The following ABCG1 variants were observed in gnomAD, a reference collection of about 807,000 sequenced individuals.
The protein encoded by ABCG1 is ATP binding cassette subfamily G member 1.
In ABCG1, 29 loss-of-function variants were observed where a neutral mutation model predicts 69.2. The observed-to-expected ratio is 0.42, with a 90% confidence interval of 0.31 to 0.57. The LOEUF (loss-of-function observed/expected upper bound fraction) is 0.57, where lower values mean the gene tolerates loss of function less well. Ranked by LOEUF, ABCG1 falls within the 20% of genes least tolerant of loss-of-function variation. The pLI, the probability that ABCG1 is intolerant of heterozygous loss-of-function variation, is 0.15. For missense variants in ABCG1, 718 were observed against 898.1 expected (o/e 0.80, Z 2.56); for synonymous variants, 370 against 374.8 (o/e 0.99, Z 0.15).
At position 42,200,931 on chromosome 21, in the gene ABCG1, T is replaced by G. The variant is rs1160513760; in HGVS notation, c.-99-646T>G. 2.0e-5 allele frequency among the ~76,000 whole-genome samples: 3 copies of G among 152,222 alleles called. No individual in the cohort carries two copies. The East Asian group carries it at 5.8e-4, about 29-fold the overall frequency. On this transcript the variant is annotated intron_variant, in intron 1 of 15. Transcript: ENST00000398457. Reference sequence around the variant, plus strand: ...TTTGTTTTATTCTTATTTTATTGTTTTTCATTTTTCTTACGTCCCGAGGTA... The same window carrying G: ...TTTGTTTTATTCTTATTTTATTGTTGTTCATTTTTCTTACGTCCCGAGGTA...
chr21:42,295,562 A>T (rs552560419), intron 14 of ABCG1, among the ~76,000 whole-genome samples: 3 of 152,328 alleles, frequency 2.0e-5, no homozygotes, highest in African/African-American at 7.2e-5. Context: ...CAGAAGTTCC[A>T]TGTGACACTA....
rs2067769007 is a variant in ABCG1 at position 42,223,788 on chromosome 21, G to C, written c.43-1883G>C. ...GCAGATAGTGAGTCTAGCAGAGAAA[G>C]TCAGGGTCTCATGATAATGTAGATG... On this transcript the variant is annotated intron_variant, in intron 1 of 14. Coordinates refer to ENST00000398449, the MANE Select transcript of ABCG1 (RefSeq NM_016818.3). Among the ~76,000 whole-genome samples, 3 of 152,222 alleles carry C rather than the reference G, an allele frequency of 2.0e-5. No homozygotes were observed. In the South Asian group the frequency reaches 6.2e-4, roughly 32 times the overall value.
In ABCG1 at chr21:42,287,344, C is replaced by T. The variant is rs368564732; in HGVS notation, c.974-545C>T. ...GAGAGGCAGGAGCAGCGGGCAGGGC[C>T]GGTGCAGGAGACGCTCACTGGGATC... On this transcript the variant is annotated intron_variant, in intron 8 of 14. Coordinates refer to ENST00000398449, the MANE Select transcript of ABCG1 (RefSeq NM_016818.3). The surrounding 1 kb of genome is among the most constrained non-coding windows in gnomAD (Gnocchi z 6.2). Among the ~76,000 whole-genome samples, 4 of 152,118 alleles carry T rather than the reference C, an allele frequency of 2.6e-5. No individual in the cohort carries two copies. Among genetic ancestry groups the T allele is most frequent in the Non-Finnish European group, 5.9e-5 (4 of 68,008 alleles).
At chr21:42,274,763 G>A (rs1028034003) in intron 4 of ABCG1, among the ~76,000 whole-genome samples, 23 of 146,606 alleles carry the variant, frequency 1.6e-4, no homozygotes, top group Non-Finnish European at 2.9e-4. Flanking sequence ...GTGAGCCACC[G>A]TGCCCGGCAG....
At chr21:42,248,747 T>A (rs1312496409) in intron 2 of ABCG1, among the ~76,000 whole-genome samples, 12 of 144,292 alleles carry the variant, frequency 8.3e-5, no homozygotes, top group Non-Finnish European at 1.5e-5. Context: ...TTTAAAAAAT[T>A]AAAAAAAAAA....
At chr21:42,250,898 T>C (rs1392153890) in intron 2 of ABCG1, among the ~76,000 whole-genome samples, 1 of 152,154 alleles carries the variant, frequency 6.6e-6, no homozygotes, top group Admixed American at 6.5e-5. Flanking sequence ...AGGGATCGGC[T>C]TGGGAGAGAC....
intron 5 of ABCG1, among the ~76,000 whole-genome samples, chr21:42,281,865 G>A (rs574673512): frequency 6.6e-6 from 1 of 152,312 alleles, no homozygotes; most frequent in South Asian, 2.1e-4. Context: ...CAGAAATTGT[G>A]CATCCTCTCA....
chr21:42,249,202 G>A (rs562965821), intron 2 of ABCG1, among the ~76,000 whole-genome samples: 19 of 152,350 alleles, frequency 1.2e-4, no homozygotes, highest in Admixed American at 3.9e-4. Context: ...ATCTGGTGAA[G>A]GCAGGGGACT....
chr21:42,202,568 C>A (rs1412026538), intron 2 of ABCG1, among the ~76,000 whole-genome samples: 1 of 151,436 alleles, frequency 6.6e-6, no homozygotes, highest in Non-Finnish European at 1.5e-5. Flanking sequence ...GCAACTTAGT[C>A]ACCCCCATCT....
chr21:42,216,296 A>C (rs2067639313), upstream of ABCG1: 1 of 335,308 alleles, frequency 3.0e-6, no homozygotes, highest in Non-Finnish European at 6.1e-6. Context: ...CCCCACTGGA[A>C]ATTACCAGCT....
At chr21:42,232,168 G>T (rs2067910532) in intron 2 of ABCG1, among the ~76,000 whole-genome samples, 1 of 152,228 alleles carries the variant, frequency 6.6e-6, no homozygotes, top group Non-Finnish European at 1.5e-5. Context: ...AAAAAATTTT[G>T]AGAATGGACC....
chr21:42,239,229 C>T (rs993145023), intron 2 of ABCG1, among the ~76,000 whole-genome samples: 2 of 152,126 alleles, frequency 1.3e-5, no homozygotes, highest in Non-Finnish European at 2.9e-5. Context: ...GGTGACTTAC[C>T]CCTCCTGTGA....
chr21:42,248,940 G>A (rs1047596466), intron 2 of ABCG1, among the ~76,000 whole-genome samples: 5 of 150,716 alleles, frequency 3.3e-5, no homozygotes, highest in African/African-American at 1.2e-4. Flanking sequence ...AACAAACTGT[G>A]ATGGGTCCAC....
chr21:42,201,522 C>T lies in ABCG1; in HGVS notation c.-99-55C>T, dbSNP rs116843238. On this transcript the variant is annotated intron_variant, in intron 1 of 15. Transcript: ENST00000398457. Reference sequence around the variant, plus strand: ...TGTCTTACATGACAGGGTGAGCTACCCTGAGTTAATCTGAGTGAGCTTCAT... The same window carrying T: ...TGTCTTACATGACAGGGTGAGCTACTCTGAGTTAATCTGAGTGAGCTTCAT... The T allele has an allele frequency of 3.8e-3, 4,760 of 1,244,102 alleles. 13 individuals are homozygous for T. The highest frequency in any genetic ancestry group is 5.2e-3 in the Middle Eastern group (18 of 3,490). 77.1% of individuals were successfully genotyped at this position (1,244,102 alleles called of 1,614,324 possible).
intron 2 of ABCG1, among the ~76,000 whole-genome samples, chr21:42,261,120 C>T (rs114749869): frequency 0.018 from 2,725 of 152,202 alleles, 93 homozygotes; most frequent in African/African-American, 0.061. Context: ...CGTACCCGGC[C>T]CCTCTCTCCC....
At chr21:42,256,238 G>C in intron 2 of ABCG1, 1 of 1,460,376 alleles carries the variant, frequency 6.8e-7, no homozygotes. Flanking sequence ...AAAGATGCTA[G>C]CAGTGCAACA....
intron 1 of ABCG1, chr21:42,220,191 A>C: frequency 2.9e-6 from 2 of 678,684 alleles, no homozygotes; most frequent in Non-Finnish European, 5.0e-6. Context: ...GCACACCAAC[A>C]TCGTAGAGGT....
chr21:42,253,232 A>G (rs539590858), intron 2 of ABCG1, among the ~76,000 whole-genome samples: 20 of 152,330 alleles, frequency 1.3e-4, no homozygotes, highest in South Asian at 1.0e-3. Context: ...GGTAAAGGGC[A>G]GAAACATAAA....
chr21:42,257,045 G>A (rs955227929), intron 2 of ABCG1, among the ~76,000 whole-genome samples: 2 of 152,192 alleles, frequency 1.3e-5, no homozygotes, highest in Admixed American at 6.5e-5. Context: ...GAGGCATTTC[G>A]AACACATTCT....
Sources: allele counts gnomAD v4.1 joint callset (sites outside exome capture counted in the v4.1 genomes callset), GRCh38; gene constraint gnomAD v4.1.1; non-coding constraint Gnocchi (gnomAD v3.1); transcripts MANE v1.5; gene names NCBI Gene and HGNC (gene_info 2026-07-23, HGNC 2026-07-21).